PLEKHA5: variants seen among roughly 807,000 people sequenced by gnomAD.
PLEKHA5 encodes pleckstrin homology domain containing A5.
In PLEKHA5, 55 loss-of-function variants were observed where a neutral mutation model predicts 181.9. The observed-to-expected ratio is 0.30, with a 90% CI of 0.24 to 0.38. The LOEUF is 0.38. PLEKHA5 is among the 10% of genes least tolerant of loss of function. The probability of loss-of-function intolerance (pLI) is 1.00; values close to 1 mark genes in which losing one functional copy is unlikely to be tolerated. For missense variants in PLEKHA5, 1,432 were observed against 1,549.5 expected, an observed-to-expected ratio of 0.92 and a Z score of 1.27; for synonymous variants, 535 against 529.4, an observed-to-expected ratio of 1.01 and a Z score of -0.15.
chr12:19,359,441 C>T lies in PLEKHA5; in HGVS notation c.3378C>T (p.Asp1126=), dbSNP rs1383674600. ...QTRRRDDKEL[D]TAIRENDVKP... is the part of the protein sequence containing the mutation. ...GAAGGAGGGATGATAAGGAACTGGA[C>T]ACTGCCATTAGAGAAAATGATGTAA... Residue 1126 remains aspartate, a synonymous_variant, in exon 28 of 32, where the codon GAC becomes GAT. Transcript: ENST00000429027. 6.2e-7 allele frequency: 1 copy of T among 1,613,400 alleles called. No individual in the cohort carries two copies. The highest frequency in any genetic ancestry group is 8.5e-7 in the Non-Finnish European group (1 of 1,179,412).
intron 3 of PLEKHA5, among the ~76,000 whole-genome samples, chr12:19,219,759 A>G (rs2058638649): frequency 6.6e-6 from 1 of 152,056 alleles, no homozygotes; most frequent in Non-Finnish European, 1.5e-5. Flanking sequence ...TATAGGCTCA[A>G]TTTCTGGTGT....
intron 15 of PLEKHA5, among the ~76,000 whole-genome samples, chr12:19,299,797 C>A (rs908219894): frequency 1.3e-5 from 2 of 152,172 alleles, no homozygotes; most frequent in African/African-American, 4.8e-5. Context: ...CTCATTTGAT[C>A]TTCCTAAAGC....
At chr12:19,342,702 A>G (rs892916213) in intron 21 of PLEKHA5, among the ~76,000 whole-genome samples, 6 of 152,140 alleles carry the variant, frequency 3.9e-5, no homozygotes, top group African/African-American at 1.4e-4. Context: ...ACTTGCGCCC[A>G]GGAGGCAGAG....
At chr12:19,222,149 G>A (rs998512186) in intron 3 of PLEKHA5, among the ~76,000 whole-genome samples, 2 of 151,920 alleles carry the variant, frequency 1.3e-5, no homozygotes, top group African/African-American at 4.8e-5. Flanking sequence ...TTATGAATAT[G>A]TATATTTGTA....
intron 11 of PLEKHA5, among the ~76,000 whole-genome samples, chr12:19,281,923 A>T (rs1049044811): frequency 6.6e-6 from 1 of 152,016 alleles, no homozygotes; most frequent in East Asian, 1.9e-4. Context: ...CTGGGACTAC[A>T]GGCACCTGCC....
chr12:19,203,958 C>T (rs1351169046), intron 3 of PLEKHA5, among the ~76,000 whole-genome samples: 2 of 152,002 alleles, frequency 1.3e-5, no homozygotes, highest in Admixed American at 1.3e-4. Flanking sequence ...CTACCGCACC[C>T]CCATACATAC....
At chr12:19,230,838 C>A (rs902106118) in intron 3 of PLEKHA5, among the ~76,000 whole-genome samples, 2 of 152,186 alleles carry the variant, frequency 1.3e-5, no homozygotes, top group African/African-American at 2.4e-5. Context: ...TCCTCAGGCA[C>A]GGCCAGAGTG....
At chr12:19,135,439 G>A (rs2035327875) in intron 3 of PLEKHA5, among the ~76,000 whole-genome samples, 1 of 151,920 alleles carries the variant, frequency 6.6e-6, no homozygotes, top group Admixed American at 6.6e-5. Flanking sequence ...TACTGTTCTG[G>A]GATTTATAAT....
chr12:19,318,463 A>G (rs1471106442), intron 16 of PLEKHA5, among the ~76,000 whole-genome samples: 1 of 152,138 alleles, frequency 6.6e-6, no homozygotes, highest in African/African-American at 2.4e-5. Context: ...TATCCTAAAG[A>G]TTTACTATAA....
intron 3 of PLEKHA5, among the ~76,000 whole-genome samples, chr12:19,231,119 T>C (rs539836828): frequency 6.6e-6 from 1 of 152,246 alleles, no homozygotes; most frequent in South Asian, 2.1e-4. Context: ...AGGAGTTTCT[T>C]AATAAGTAAA....
chr12:19,272,437 A>C (rs1343066609), intron 10 of PLEKHA5, among the ~76,000 whole-genome samples: 1 of 152,146 alleles, frequency 6.6e-6, no homozygotes, highest in Non-Finnish European at 1.5e-5. Context: ...CCACAGTTTT[A>C]ATTTAAAATA....
chr12:19,225,957 A>T (rs2059627429), intron 3 of PLEKHA5, among the ~76,000 whole-genome samples: 1 of 152,222 alleles, frequency 6.6e-6, no homozygotes. Flanking sequence ...TCCAATGCAC[A>T]TCTTCCTTCA....
At chr12:19,364,490 G>A (rs1439931002) in intron 29 of PLEKHA5, among the ~76,000 whole-genome samples, 2 of 151,798 alleles carry the variant, frequency 1.3e-5, no homozygotes, top group Non-Finnish European at 2.9e-5. Context: ...CAGCCTGGGC[G>A]ACAGAGTGAG....
At chr12:19,230,597 C>G (rs1327319159) in intron 3 of PLEKHA5, among the ~76,000 whole-genome samples, 1 of 152,198 alleles carries the variant, frequency 6.6e-6, no homozygotes, top group East Asian at 1.9e-4. Flanking sequence ...AGCTGCTGGC[C>G]TGGGTGCTAA....
intron 3 of PLEKHA5, among the ~76,000 whole-genome samples, chr12:19,222,314 G>C (rs974304871): frequency 6.6e-6 from 1 of 152,034 alleles, no homozygotes; most frequent in East Asian, 1.9e-4. Context: ...CCTAGTGTCT[G>C]TAATTTCTGT....
At chr12:19,189,194 G>A (rs913208827) in intron 3 of PLEKHA5, among the ~76,000 whole-genome samples, 3 of 152,204 alleles carry the variant, frequency 2.0e-5, no homozygotes, top group African/African-American at 7.2e-5. Context: ...GGCTGGTGAG[G>A]GGGACCGGGG....
At chr12:19,262,921 A>G (rs138763761) in intron 7 of PLEKHA5, among the ~76,000 whole-genome samples, 1 of 152,216 alleles carries the variant, frequency 6.6e-6, no homozygotes, top group Non-Finnish European at 1.5e-5. Flanking sequence ...TGAGTCTGAG[A>G]TTCCTTATTA....
chr12:19,315,964 TAACA>T (rs1257362587), intron 16 of PLEKHA5, among the ~76,000 whole-genome samples: 2 of 152,072 alleles, frequency 1.3e-5, no homozygotes, highest in Non-Finnish European at 2.9e-5. Context: ...ATAAAGAGAT[TAACA>T]AACTATTAAA....
intron 3 of PLEKHA5, among the ~76,000 whole-genome samples, chr12:19,192,947 G>A (rs2051559084): frequency 6.6e-6 from 1 of 152,140 alleles, no homozygotes; most frequent in African/African-American, 2.4e-5. Flanking sequence ...TTGGAATGCA[G>A]CCATACTCAT....
Sources: allele counts gnomAD v4.1 joint callset (sites outside exome capture counted in the v4.1 genomes callset), GRCh38; gene constraint gnomAD v4.1.1; transcripts MANE v1.5; gene names NCBI Gene and HGNC (gene_info 2026-07-23, HGNC 2026-07-21).